CHODL: variants seen among roughly 807,000 people sequenced by gnomAD.
CHODL encodes transmembrane protein MT75.
Under a neutral mutation model 34.5 loss-of-function variants are expected in CHODL, and 29 were observed. That is an observed-to-expected ratio of 0.84 (90% confidence interval 0.63 to 1.15). The LOEUF (loss-of-function observed/expected upper bound fraction) is 1.15, where lower values mean the gene tolerates loss of function less well. Ranked by LOEUF, CHODL falls within the 50% of genes most tolerant of loss-of-function variation. The pLI is 0.00. For missense variants in CHODL, 332 were observed against 332.5 expected, an observed-to-expected ratio of 1.00 and a Z score of 0.01; for synonymous variants, 125 against 116.1, an observed-to-expected ratio of 1.08 and a Z score of -0.49.
chr21:17,920,902 T>C (rs1342332122), intron 1 of CHODL, among the ~76,000 whole-genome samples: 2 of 152,228 alleles, frequency 1.3e-5, no homozygotes, highest in East Asian at 1.9e-4. Context: ...AGGGAAGTTA[T>C]ATGATCACTT....
intron 5 of CHODL, among the ~76,000 whole-genome samples, chr21:18,264,617 AAAAAAAAG>A (rs2074427880): frequency 1.3e-5 from 2 of 151,450 alleles, no homozygotes; most frequent in African/African-American, 2.4e-5. Flanking sequence ...AAAAAAAAAA[AAAAAAAAG>A]AGAGAGAGAA....
At chr21:18,196,573 T>C (rs2073590589) in intron 2 of CHODL, among the ~76,000 whole-genome samples, 1 of 152,166 alleles carries the variant, frequency 6.6e-6, no homozygotes, top group African/African-American at 2.4e-5. Context: ...TATGAATCCA[T>C]TTCGGAAAGT....
rs116646470 is a variant in CHODL at position 17,994,996 on chromosome 21, T to C, written c.-144-32876T>C. ...GTGGGGCAACCTCGCTGGTGCACTG[T>C]ACTGCCCATTCTCCAGGATGTAGGG... is the stretch of plus-strand genomic sequence containing the variant. On this transcript the variant is annotated intron_variant, in intron 1 of 6. Transcript: ENST00000400127. Among the ~76,000 whole-genome samples the C allele has an allele frequency of 5.7e-3, 868 of 152,242 alleles. 9 individuals are homozygous for C. Among genetic ancestry groups the C allele is most frequent in the African/African-American group, 0.014 (579 of 41,550 alleles).
chr21:17,962,971 G>A (rs2063542804), intron 1 of CHODL, among the ~76,000 whole-genome samples: 1 of 152,004 alleles, frequency 6.6e-6, no homozygotes, highest in African/African-American at 2.4e-5. Flanking sequence ...GGATGAGGCA[G>A]GAGAATGGCA....
In CHODL at chr21:18,026,597, G is replaced by A. The variant is rs530001913; in HGVS notation, c.-144-1275G>A. Among the ~76,000 whole-genome samples the A allele has an allele frequency of 4.4e-4, 67 of 152,316 alleles. 3 individuals carry two copies. The South Asian group carries it at 0.013, about 31-fold the overall frequency. On this transcript the variant is annotated intron_variant, in intron 1 of 6. Coordinates refer to the CHODL transcript ENST00000400127. Reference sequence around the variant, plus strand: ...TGGTGAGATTACAGCTCCACTTTATGGGAGAGTTATAACAAATGTGACTTT... The same window carrying A: ...TGGTGAGATTACAGCTCCACTTTATAGGAGAGTTATAACAAATGTGACTTT...
intron 2 of CHODL, among the ~76,000 whole-genome samples, chr21:18,106,489 C>CT (rs775916486): frequency 1.0e-3 from 125 of 121,524 alleles, no homozygotes; most frequent in Middle Eastern, 8.7e-3. Context: ...TTTCTTTTTT[C>CT]TTTTTCTTTT....
chr21:18,168,777 A>G (rs887208752), intron 2 of CHODL, among the ~76,000 whole-genome samples: 3 of 152,078 alleles, frequency 2.0e-5, no homozygotes, highest in African/African-American at 7.2e-5. Context: ...TGATGAAGTA[A>G]ATGTCTTGCT....
chr21:18,096,330 T>G (rs2065139370), intron 2 of CHODL, among the ~76,000 whole-genome samples: 1 of 152,206 alleles, frequency 6.6e-6, no homozygotes, highest in South Asian at 2.1e-4. Context: ...AAGAACAGGA[T>G]AATACGATTT....
At chr21:18,183,843 A>G (rs2073409938) in intron 2 of CHODL, among the ~76,000 whole-genome samples, 1 of 152,178 alleles carries the variant, frequency 6.6e-6, no homozygotes, top group South Asian at 2.1e-4. Flanking sequence ...GATCAGTTGA[A>G]TGTTGTGGTG....
At chr21:18,241,967 C>A (rs1212511478), upstream of CHODL, among the ~76,000 whole-genome samples, 1 of 151,488 alleles carries the variant, frequency 6.6e-6, no homozygotes, top group Non-Finnish European at 1.5e-5. Context: ...AGCTCCTTAG[C>A]CTAATCAGTT....
chr21:18,211,916 G>A (rs566153676), intron 2 of CHODL, among the ~76,000 whole-genome samples: 1 of 151,608 alleles, frequency 6.6e-6, no homozygotes, highest in African/African-American at 2.4e-5. Flanking sequence ...ATGAATATAT[G>A]AGAGTCTATC....
chr21:18,253,565 T>C (rs962164324), intron 1 of CHODL, among the ~76,000 whole-genome samples: 2 of 152,130 alleles, frequency 1.3e-5, no homozygotes, highest in African/African-American at 4.8e-5. Context: ...TTAATGGCAT[T>C]GTTAGGCTCT....
chr21:18,011,938 C>G (rs1324926598), intron 1 of CHODL, among the ~76,000 whole-genome samples: 1 of 152,178 alleles, frequency 6.6e-6, no homozygotes, highest in Admixed American at 6.5e-5. Context: ...GACTACAAAT[C>G]AACTTAGTTC....
chr21:17,969,439 T>C (rs1049744989), intron 1 of CHODL, among the ~76,000 whole-genome samples: 2 of 152,222 alleles, frequency 1.3e-5, no homozygotes, highest in Admixed American at 6.5e-5. Context: ...CAGGTATCCA[T>C]ATAAAAATGT....
chr21:18,226,361 C>T (rs569034437), intron 2 of CHODL, among the ~76,000 whole-genome samples: 131 of 152,082 alleles, frequency 8.6e-4, no homozygotes, highest in Non-Finnish European at 1.7e-3. Flanking sequence ...AGTGTAGTGG[C>T]GTGATCTCAG....
chr21:18,261,631 A>G (rs1288857710), intron 4 of CHODL, among the ~76,000 whole-genome samples: 2 of 152,020 alleles, frequency 1.3e-5, no homozygotes, highest in African/African-American at 4.8e-5. Flanking sequence ...TGCGCCATGC[A>G]CTCTGGCCTG....
chr21:18,168,116 G>A (rs1368708601), intron 2 of CHODL, among the ~76,000 whole-genome samples: 1 of 152,134 alleles, frequency 6.6e-6, no homozygotes, highest in Non-Finnish European at 1.5e-5. Flanking sequence ...CCAGTGGTTT[G>A]CCAGGGTCTC....
At chr21:18,029,683 C>T (rs1401966287) in intron 2 of CHODL, among the ~76,000 whole-genome samples, 1 of 152,020 alleles carries the variant, frequency 6.6e-6, no homozygotes, top group Non-Finnish European at 1.5e-5. Flanking sequence ...GCTCCACTTC[C>T]CACAAAGAGA....
chr21:18,229,964 C>T (rs951513981), intron 2 of CHODL, among the ~76,000 whole-genome samples: 4 of 152,040 alleles, frequency 2.6e-5, no homozygotes, highest in East Asian at 1.9e-4. Flanking sequence ...TTTCAAGCAG[C>T]GACTTGACTG....
Sources: gnomAD v4.1 joint callset for allele counts (sites outside exome capture counted in the v4.1 genomes callset) on GRCh38, gnomAD v4.1.1 for gene constraint, MANE v1.5 for transcripts, NCBI Gene and HGNC (gene_info 2026-07-23, HGNC 2026-07-21) for gene names.